The following DENND5A variants were observed in gnomAD, a reference collection of about 807,000 sequenced individuals.
DENND5A encodes the protein DENN domain containing 5A.
In DENND5A, 64 loss-of-function variants were observed where a neutral mutation model predicts 140.3. That is an observed-to-expected ratio of 0.46 (90% confidence interval 0.37 to 0.56). DENND5A has a LOEUF of 0.56. Among genes scored for constraint, DENND5A ranks in the 20% least tolerant of loss-of-function variants. The pLI is 0.00. For synonymous variants in DENND5A, 605 were observed against 607.7 expected, an observed-to-expected ratio of 1.00 and a Z score of 0.07; for missense variants, 1,292 against 1,593.8, an observed-to-expected ratio of 0.81 and a Z score of 3.22.
chr11:9,257,240 C>T (rs1851985241), intron 1 of DENND5A, among the ~76,000 whole-genome samples: 1 of 151,982 alleles, frequency 6.6e-6, no homozygotes, highest in African/African-American at 2.4e-5. Context: ...AAGTGATCCA[C>T]CTGCCTCAGC....
intron 1 of DENND5A, among the ~76,000 whole-genome samples, chr11:9,248,607 T>C (rs892081487): frequency 6.6e-6 from 1 of 151,708 alleles, no homozygotes; most frequent in Admixed American, 6.6e-5. Flanking sequence ...TGCGCTGTGA[T>C]TGAGCCCCTG....
chr11:9,139,605 T>G lies in DENND5A; in HGVS notation c.*66A>C. 6.6e-7 allele frequency: 1 copy of G among 1,506,440 alleles called. No homozygotes were observed. The highest frequency in any genetic ancestry group is 9.0e-7 in the Non-Finnish European group (1 of 1,105,892). The allele number at this position is 1,506,440 out of a possible 1,614,324, so 93.3% of individuals were successfully genotyped here. A position where few individuals can be genotyped will look rare whatever the true frequency, so the allele number is the denominator to read the frequency against. Reference sequence around the variant, plus strand: ...TCCTGCACAATCGCTTAAGTCCCTTTGGGAAAAAAGGTCAGAGCTGCAGGG... The same window carrying G: ...TCCTGCACAATCGCTTAAGTCCCTTGGGGAAAAAAGGTCAGAGCTGCAGGG... On this transcript the variant is annotated 3_prime_UTR_variant, in exon 23 of 23. Transcript: ENST00000328194.
At chr11:9,251,990 C>CG (rs1309216548) in intron 1 of DENND5A, among the ~76,000 whole-genome samples, 2 of 130,870 alleles carry the variant, frequency 1.5e-5, no homozygotes, top group Non-Finnish European at 3.3e-5. Context: ...CTCTGTCTCG[C>CG]GAAAAAAAAG....
In DENND5A at chr11:9,216,531, T is replaced by C. The variant is rs76784071; in HGVS notation, c.110-8899A>G. Among the ~76,000 whole-genome samples, 574 of 152,286 alleles carry C rather than the reference T, an allele frequency of 3.8e-3. 6 individuals carry two copies. Among genetic ancestry groups the C allele is most frequent in the African/African-American group, 0.013 (554 of 41,568 alleles). On this transcript the variant is annotated intron_variant, in intron 1 of 22. Coordinates refer to ENST00000328194, the MANE Select transcript of DENND5A (RefSeq NM_015213.4). The stretch of plus-strand genomic sequence containing the variant: ...AGAAAGGCTGAGATACAACGTAACC[T>C]CCAAAAAGCTCAGGAACTTATAGCA...
In DENND5A at chr11:9,160,788, C is replaced by T. The variant is rs1275547196; in HGVS notation, c.2361G>A (p.Val787=). 6.2e-7 allele frequency: 1 copy of T among 1,614,056 alleles called. No homozygotes were observed. ...GGCTGGCAATCAGGGTGTTCTCTTC[C>T]ACCCCTGTGATGTTCACCTCCCCAT... ...LGHGEVNITG[V]EENTLIASLC... The change falls in exon 12 of 23, where the codon GTG becomes GTA. Residue 787 remains valine, a synonymous_variant. Coordinates refer to ENST00000328194, the MANE Select transcript of DENND5A (RefSeq NM_015213.4).
intron 4 of DENND5A, among the ~76,000 whole-genome samples, chr11:9,197,458 G>A (rs1003042023): frequency 1.3e-5 from 2 of 150,678 alleles, no homozygotes; most frequent in African/African-American, 4.9e-5. Flanking sequence ...CACTTTGGGA[G>A]GCCAAGGTGG....
chr11:9,207,560 C>T lies in DENND5A; in HGVS notation c.181+1G>A, dbSNP rs1849733165. On this transcript the variant is annotated splice_donor_variant, in intron 2 of 22. Coordinates refer to ENST00000328194, the MANE Select transcript of DENND5A (RefSeq NM_015213.4). LOFTEE classifies it high-confidence loss of function. ...TGTTCTCAATTTTGTTTTGTTTTTA[C>T]CTTCAGTCGTACTTGAAATGAAAGG... The T allele has an allele frequency of 6.2e-7, 1 of 1,611,422 alleles. No individual in the cohort carries two copies. Among genetic ancestry groups the T allele is most frequent in the African/African-American group, 1.3e-5 (1 of 74,870 alleles).
intron 1 of DENND5A, among the ~76,000 whole-genome samples, chr11:9,224,655 T>G (rs1264694889): frequency 6.6e-6 from 1 of 151,914 alleles, no homozygotes; most frequent in African/African-American, 2.4e-5. Context: ...GGTCAGGAGT[T>G]CGAGACCAGC....
At chr11:9,143,757 A>G (rs1342651967) in intron 19 of DENND5A, among the ~76,000 whole-genome samples, 1 of 152,262 alleles carries the variant, frequency 6.6e-6, no homozygotes, top group African/African-American at 2.4e-5. Flanking sequence ...GTGGGTAACC[A>G]AAAGAGAGCC....
At chr11:9,145,221 T>A in intron 17 of DENND5A, 108 bp from the exon 18 acceptor site, 1 of 797,454 alleles carries the variant, frequency 1.3e-6, no homozygotes, top group South Asian at 1.5e-5. Context: ...CCCCTCAGCA[T>A]CTGCAGGCTT....
chr11:9,169,498 C>A (rs1436977499), intron 10 of DENND5A, among the ~76,000 whole-genome samples: 1 of 113,066 alleles, frequency 8.8e-6, no homozygotes, highest in Non-Finnish European at 2.0e-5. Context: ...TACACACGCA[C>A]ACACACACAC....
intron 11 of DENND5A, among the ~76,000 whole-genome samples, chr11:9,162,863 ATTTTTT>A (rs61181938): frequency 1.5e-5 from 2 of 136,900 alleles, no homozygotes; most frequent in African/African-American, 5.3e-5. Flanking sequence ...TTCTTTTGTG[ATTTTTT>A]TTTTTTTTTT....
chr11:9,160,986 C>T (rs1847964107), intron 11 of DENND5A, 121 bp from the exon 12 acceptor site: 1 of 936,006 alleles, frequency 1.1e-6, no homozygotes, highest in Non-Finnish European at 1.6e-6. Flanking sequence ...GATGAATTAG[C>T]CCCAAGGACA....
intron 1 of DENND5A, among the ~76,000 whole-genome samples, chr11:9,228,382 C>G (rs1030865885): frequency 1.3e-5 from 2 of 152,072 alleles, no homozygotes; most frequent in African/African-American, 4.8e-5. Flanking sequence ...AGGAGAGAGA[C>G]GCTGAAGTGA....
chr11:9,164,547 CTTGG>C (rs1343880407), intron 11 of DENND5A, among the ~76,000 whole-genome samples: 1 of 151,866 alleles, frequency 6.6e-6, no homozygotes, highest in Non-Finnish European at 1.5e-5. Flanking sequence ...GGTATGCTGC[CTTGG>C]TTGAAAGATT....
chr11:9,231,285 C>T lies in DENND5A; in HGVS notation c.110-23653G>A, dbSNP rs142401963. ...ACATATCTGTTTCACAGAATGTATACCACGGCAGAGCCCACAGCAGCAAAC... is the reference window on the plus strand; with the variant it reads ...ACATATCTGTTTCACAGAATGTATATCACGGCAGAGCCCACAGCAGCAAAC... On this transcript the variant is annotated intron_variant, in intron 1 of 22. Coordinates refer to ENST00000328194, the MANE Select transcript of DENND5A (RefSeq NM_015213.4). 3.1e-4 allele frequency among the ~76,000 whole-genome samples: 47 copies of T among 152,332 alleles called. No homozygotes were observed. The East Asian group carries it at 8.5e-3, about 28-fold the overall frequency.
At chr11:9,168,236 G>A (rs563623732) in intron 10 of DENND5A, among the ~76,000 whole-genome samples, 4 of 152,226 alleles carry the variant, frequency 2.6e-5, no homozygotes, top group Admixed American at 2.6e-4. Context: ...AGGTAACTGA[G>A]TCACGGGGGT....
chr11:9,212,283 G>A (rs1849910797), intron 1 of DENND5A, among the ~76,000 whole-genome samples: 1 of 152,132 alleles, frequency 6.6e-6, no homozygotes, highest in Non-Finnish European at 1.5e-5. Flanking sequence ...TCAGAGATGT[G>A]TGGGGCAACA....
chr11:9,157,066 T>C (rs1564886269), intron 12 of DENND5A, among the ~76,000 whole-genome samples: 1 of 152,176 alleles, frequency 6.6e-6, no homozygotes, highest in Non-Finnish European at 1.5e-5. Context: ...TAGAAATTTT[T>C]GCAGTAAATA....
Sources: gnomAD v4.1 joint callset for allele counts (sites outside exome capture counted in the v4.1 genomes callset) on GRCh38, gnomAD v4.1.1 for gene constraint, MANE v1.5 for transcripts, NCBI Gene and HGNC (gene_info 2026-07-23, HGNC 2026-07-21) for gene names.